The following UBTF variants were observed in gnomAD, a reference collection of about 807,000 sequenced individuals.
The protein encoded by UBTF is nucleolar transcription factor 1.
A neutral mutation model predicts 112.3 loss-of-function variants in UBTF; 8 were observed. The ratio of observed to expected loss-of-function variants is 0.07; its 90% CI spans 0.04 to 0.13. The LOEUF (loss-of-function observed/expected upper bound fraction) is 0.13, where lower values mean the gene tolerates loss of function less well. Among genes scored for constraint, UBTF ranks in the 10% least tolerant of loss-of-function variants. The probability of loss-of-function intolerance (pLI) is 1.00; values close to 1 mark genes in which losing one functional copy is unlikely to be tolerated. For missense variants in UBTF, 457 were observed against 982.1 expected (o/e 0.47, Z 7.15); for synonymous variants, 417 against 373.1 (o/e 1.12, Z -1.36).
chr17:44,209,229 A>G, intron 17 of UBTF, 123 bp downstream of exon 17: 1 of 990,926 alleles, frequency 1.0e-6, no homozygotes, highest in Middle Eastern at 3.4e-4. Flanking sequence ...AAGGATTGCG[A>G]GGGCATGGAA....
At chr17:44,218,813 C>CCGGAG (rs902355785) in intron 1 of UBTF, among the ~76,000 whole-genome samples, 3 of 150,680 alleles carry the variant, frequency 2.0e-5, no homozygotes, top group Non-Finnish European at 4.5e-5. Context: ...GCCGCCAGCC[C>CCGGAG]CGGAGCGGAG....
In UBTF at chr17:44,205,436, A is replaced by T. The variant is rs2056193098; in HGVS notation, c.*1806T>A. On this transcript the variant is annotated 3_prime_UTR_variant, in exon 21 of 21. Transcript: ENST00000436088. The stretch of plus-strand genomic sequence containing the variant: ...ACAGTGTAGGGGCATCCAAATAGGA[A>T]ACTGGGGTTCTTTGCAGGGCTCTTG... 1 of 152,502 alleles carries T rather than the reference A, an allele frequency of 6.6e-6. No homozygotes were observed. Among genetic ancestry groups the T allele is most frequent in the African/African-American group, 2.4e-5 (1 of 41,470 alleles). 9.4% of individuals were successfully genotyped at this position (152,502 alleles called of 1,614,324 possible). A position where few individuals can be genotyped will look rare whatever the true frequency, so the allele number is the denominator to read the frequency against.
chr17:44,209,996 T>G (rs2056548520), intron 15 of UBTF, 128 bp downstream of exon 15: 9 of 1,011,126 alleles, frequency 8.9e-6, no homozygotes, highest in Non-Finnish European at 1.4e-5. Context: ...GAGACAGAGG[T>G]TCAGAGAAGG....
Position 44,207,504 on chromosome 17 carries a change from C to T in UBTF, c.2119G>A (p.Gly707Ser), listed in dbSNP as rs751352914. 7.4e-6 allele frequency: 12 copies of T among 1,613,874 alleles called. No individual in the cohort carries two copies. In the South Asian group the frequency reaches 7.7e-5, roughly 10 times the overall value. ...TCGCTGCTGGACTCAGAGGAGTCGC[C>T]GCCATCTTCAGAGGAGTCCCCATTC... ...DENGDSSEDG[G>S]DSSESSSEDE... Residue 707 changes from glycine to serine, a missense_variant, in exon 20 of 21, where the codon GGC (glycine) becomes AGC (serine). Around this residue, in one of 7 missense-constraint regions of UBTF, gnomAD observed 139 missense variants for 157.5 expected, o/e 0.88. Transcript: ENST00000436088.
chr17:44,213,008 AC>A, intron 6 of UBTF, 69 bp from the exon 7 acceptor site: 1 of 1,588,702 alleles, frequency 6.3e-7, no homozygotes, highest in Non-Finnish European at 8.6e-7. Flanking sequence ...TAGCTGCCCC[AC>A]CCACCAAGCC....
At chr17:44,214,929 T>A (rs555181150) in intron 5 of UBTF, among the ~76,000 whole-genome samples, 1 of 152,326 alleles carries the variant, frequency 6.6e-6, no homozygotes, top group South Asian at 2.1e-4. Flanking sequence ...TCCAATGTTT[T>A]GCTGCCTATC....
Position 44,207,028 on chromosome 17 carries a change from A to G in UBTF, c.*214T>C, listed in dbSNP as rs1221766555. ...TGATAGTTGCTGTCCCTGGAGGAGGACCCCCAAGGGCTGATGTCTCTGAGG... is the reference window on the plus strand; with the variant it reads ...TGATAGTTGCTGTCCCTGGAGGAGGGCCCCCAAGGGCTGATGTCTCTGAGG... On this transcript the variant is annotated 3_prime_UTR_variant, in exon 21 of 21. Coordinates refer to ENST00000436088, the MANE Select transcript of UBTF (RefSeq NM_014233.4). 1.7e-5 allele frequency: 10 copies of G among 593,228 alleles called. No individual in the cohort carries two copies. Among genetic ancestry groups the G allele is most frequent in the Admixed American group, 3.1e-5 (1 of 32,160 alleles). The allele number at this position is 593,228 out of a possible 1,614,324, so 36.7% of individuals were successfully genotyped here.
upstream of UBTF, among the ~76,000 whole-genome samples, chr17:44,220,398 C>T (rs929335380): frequency 2.4e-4 from 36 of 152,258 alleles, no homozygotes; most frequent in Non-Finnish European, 3.2e-4. Context: ...CCACCCTCAT[C>T]CCCCGGAGCG....
upstream of UBTF, chr17:44,220,599 C>A (rs1380463336): frequency 6.6e-6 from 1 of 152,164 alleles, no homozygotes; most frequent in African/African-American, 2.4e-5. Context: ...CGACGGGCTC[C>A]GGCGGAGGGG....
At position 44,209,332 on chromosome 17, in the gene UBTF, A is replaced by G. The variant is rs747191419; in HGVS notation, c.1905+20T>C. The stretch of plus-strand genomic sequence containing the variant: ...GTCTGATGCCTCTCTGTTCCTTCCA[A>G]GGGTCCCTTGCCCTCTCACCTTAAC... On this transcript the variant is annotated intron_variant, in intron 17 of 20. Coordinates refer to ENST00000436088, the MANE Select transcript of UBTF (RefSeq NM_014233.4). 1.4e-5 allele frequency: 22 copies of G among 1,571,904 alleles called. No homozygotes were observed. Among genetic ancestry groups the G allele is most frequent in the Non-Finnish European group, 1.8e-5 (21 of 1,155,592 alleles).
At chr17:44,213,487 G>A (rs561639353) in intron 5 of UBTF, 59 of 546,616 alleles carry the variant, frequency 1.1e-4, no homozygotes, top group Admixed American at 1.6e-4. Flanking sequence ...GGAGCTGCAG[G>A]GGTCGCCCAG....
At chr17:44,209,197 G>A (rs748749708) in intron 17 of UBTF, 155 bp downstream of exon 17, 1 of 729,736 alleles carries the variant, frequency 1.4e-6, no homozygotes, top group African/African-American at 1.8e-5. Context: ...AAAATAAAAG[G>A]GTGATAGTGA....
At chr17:44,221,010 A>C (rs1189142793), upstream of UBTF, 1 of 144,404 alleles carries the variant, frequency 6.9e-6, no homozygotes, top group Non-Finnish European at 1.5e-5. Context: ...CTCCCGGGCC[A>C]CCCCGGCCTC....
chr17:44,212,390 C>T lies in UBTF; in HGVS notation c.725G>A (p.Arg242Lys). 1 of 1,613,454 alleles carries T rather than the reference C, an allele frequency of 6.2e-7. No homozygotes were observed. Among genetic ancestry groups the T allele is most frequent in the Non-Finnish European group, 8.5e-7 (1 of 1,179,894 alleles). ...KQWSQLSDKK[R>K]LKWIHKALEQ... is the part of the protein sequence containing the mutation. Reference sequence around the variant, plus strand: ...CAGGGCCTTATGAATCCATTTCAGCCTCTTTTTGTCCGAGAGCTGAGACCA... The same window carrying T: ...CAGGGCCTTATGAATCCATTTCAGCTTCTTTTTGTCCGAGAGCTGAGACCA... The change falls in exon 8 of 21, where the codon AGG (arginine) becomes AAG (lysine). Residue 242 changes from arginine to lysine, a missense_variant. Transcript: ENST00000436088.
chr17:44,212,234 C>G, intron 8 of UBTF, 110 bp downstream of exon 8: 1 of 971,098 alleles, frequency 1.0e-6, no homozygotes, highest in Non-Finnish European at 1.6e-6. Flanking sequence ...AGGCCCCTCC[C>G]TCAACAGAGG....
At chr17:44,207,832 C>T (rs1246374224) in intron 18 of UBTF, 32 bp downstream of exon 18, 5 of 1,614,170 alleles carry the variant, frequency 3.1e-6, no homozygotes, top group African/African-American at 1.3e-5. Flanking sequence ...TCCCCCACCC[C>T]TACCCCACTG....
intron 5 of UBTF, among the ~76,000 whole-genome samples, chr17:44,215,147 C>T (rs1384751777): frequency 6.6e-6 from 1 of 152,238 alleles, no homozygotes; most frequent in African/African-American, 2.4e-5. Context: ...AGTAACAGCA[C>T]TGGACTGGGA....
chr17:44,213,330 C>T, intron 5 of UBTF, 48 bp from the exon 6 acceptor site: 3 of 1,589,746 alleles, frequency 1.9e-6, no homozygotes, highest in Non-Finnish European at 2.6e-6. Context: ...GGGTATCTCA[C>T]CCTGAGCTAT....
At position 44,211,314 on chromosome 17, in the gene UBTF, C is replaced by T. The variant is rs774951613; in HGVS notation, c.1065G>A (p.Glu355=). 8.7e-6 allele frequency: 14 copies of T among 1,614,232 alleles called. No homozygotes were observed. In the South Asian group the frequency reaches 1.5e-4, roughly 18 times the overall value. Residue 355 remains glutamate (E), a synonymous_variant, in exon 11 of 21, where the codon GAG becomes GAA. Transcript: ENST00000436088. This position sits in a 1 kb window ranked among gnomAD's most constrained non-coding sequence, Gnocchi z 4.9. ...KKCDQKKKDY[E]VELLRFLESL... is the part of the protein sequence containing the mutation. ...CCTCGAGGAAACGGAGCAGCTCCAC[C>T]TCGTAATCTTTCTTTTTCTGGGAAA...
Sources: allele counts gnomAD v4.1 joint callset (sites outside exome capture counted in the v4.1 genomes callset), GRCh38; gene constraint gnomAD v4.1.1; regional missense constraint gnomAD v4.1.1; non-coding constraint Gnocchi (gnomAD v3.1); transcripts MANE v1.5; gene names NCBI Gene and HGNC (gene_info 2026-07-23, HGNC 2026-07-21).